The following HLCS variants were observed in gnomAD, a reference collection of about 807,000 sequenced individuals.
HLCS encodes holocarboxylase synthetase.
Under a neutral mutation model 75.0 loss-of-function variants are expected in HLCS, and 53 were observed. The observed-to-expected ratio is 0.71, with a 90% confidence interval of 0.57 to 0.89. The LOEUF (loss-of-function observed/expected upper bound fraction) is 0.89. Ranked by LOEUF, HLCS falls within the 40% of genes least tolerant of loss-of-function variation. The probability of loss-of-function intolerance (pLI) is 0.00; values close to 1 mark genes in which losing one functional copy is unlikely to be tolerated. For synonymous variants in HLCS, 431 were observed against 428.6 expected, an observed-to-expected ratio of 1.01 and a Z score of -0.07; for missense variants, 966 against 1,074.0, an observed-to-expected ratio of 0.90 and a Z score of 1.41.
At position 36,962,064 on chromosome 21, in the gene HLCS, T is replaced by C; in HGVS notation, c.302A>G (p.Asn101Ser). 1 of 1,289,542 alleles carries C rather than the reference T, an allele frequency of 7.8e-7. No individual in the cohort carries two copies. The highest frequency in any genetic ancestry group is 1.2e-5 in the South Asian group (1 of 81,012). 79.9% of individuals were successfully genotyped at this position (1,289,542 alleles called of 1,614,324 possible). Residue 101 changes from asparagine (N) to serine (S), a missense_variant, in exon 2 of 11, where the codon AAT becomes AGT. By Grantham distance (46) the Asn-to-Ser change is conservative (BLOSUM62 1). Coordinates refer to ENST00000674895, the MANE Select transcript of HLCS (RefSeq NM_001352514.2). ...VTESIWVQSE[N>S]LQRSSSSETI... is the part of the protein sequence containing the mutation. Reference sequence around the variant, plus strand: ...TTCTGAAGAGGATGATCTCTGTAAATTCTCACTTTGTACCCAAATGCTCTC... The same window carrying C: ...TTCTGAAGAGGATGATCTCTGTAAACTCTCACTTTGTACCCAAATGCTCTC...
chr21:36,814,501 G>C (rs1007332728), intron 6 of HLCS, among the ~76,000 whole-genome samples: 3 of 152,160 alleles, frequency 2.0e-5, no homozygotes, highest in African/African-American at 7.2e-5. Context: ...AATGAACAGG[G>C]CATCCCGGAT....
In HLCS at chr21:36,748,994, G is replaced by A. The variant is rs532231346; in HGVS notation, c.*5252C>T. 1 of 152,764 alleles carries A rather than the reference G, an allele frequency of 6.5e-6. No homozygotes were observed. Among genetic ancestry groups the A allele is most frequent in the South Asian group, 2.1e-4 (1 of 4,830 alleles). 9.5% of individuals were successfully genotyped at this position (152,764 alleles called of 1,614,324 possible). Reference sequence around the variant, plus strand: ...TAAAGTTAAATTGCACGTGCAATACGGAACACTGTCAATGGACTGCACCTT... The same window carrying A: ...TAAAGTTAAATTGCACGTGCAATACAGAACACTGTCAATGGACTGCACCTT... On this transcript the variant is annotated 3_prime_UTR_variant, in exon 11 of 11. Coordinates refer to ENST00000674895, the MANE Select transcript of HLCS (RefSeq NM_001352514.2).
intron 6 of HLCS, among the ~76,000 whole-genome samples, chr21:36,824,986 T>C (rs1420015949): frequency 6.6e-6 from 1 of 152,236 alleles, no homozygotes; most frequent in Admixed American, 6.5e-5. Context: ...TCCTAAAACT[T>C]CTTTTTGAAA....
At chr21:36,895,960 T>C (rs189855712) in intron 6 of HLCS, among the ~76,000 whole-genome samples, 12 of 152,370 alleles carry the variant, frequency 7.9e-5, no homozygotes, top group Admixed American at 5.2e-4. Flanking sequence ...ATTTTTTTAA[T>C]CTTTAATCAG....
At position 36,961,957 on chromosome 21, in the gene HLCS, A is replaced by G. The variant is rs1239132895; in HGVS notation, c.330+79T>C. On this transcript the variant is annotated intron_variant, in intron 2 of 10. Coordinates refer to ENST00000674895, the MANE Select transcript of HLCS (RefSeq NM_001352514.2). Reference sequence around the variant, plus strand: ...TGACAGAGCAAGACTCTGTCTCAGGAAAAAAAAAAAAAAAGCAAATTTGGT... The same window carrying G: ...TGACAGAGCAAGACTCTGTCTCAGGGAAAAAAAAAAAAAAGCAAATTTGGT... 5.5e-5 allele frequency: 13 copies of G among 237,690 alleles called. No homozygotes were observed. The East Asian group carries it at 2.2e-3, about 41-fold the overall frequency. The allele number at this position is 237,690 out of a possible 1,614,324, so 14.7% of individuals were successfully genotyped here.
intron 2 of HLCS, among the ~76,000 whole-genome samples, chr21:36,958,352 G>A (rs1255952669): frequency 6.6e-6 from 1 of 152,158 alleles, no homozygotes; most frequent in Non-Finnish European, 1.5e-5. Flanking sequence ...CACAAGTACT[G>A]TTTGACTGGA....
At chr21:36,941,736 G>A (rs1017881650) in intron 2 of HLCS, among the ~76,000 whole-genome samples, 3 of 152,356 alleles carry the variant, frequency 2.0e-5, no homozygotes, top group East Asian at 1.9e-4. Flanking sequence ...TGGGCGCGGT[G>A]TCTCACGCCT....
chr21:36,911,748 C>CAA (rs11287408), intron 5 of HLCS, among the ~76,000 whole-genome samples: 57 of 47,814 alleles, frequency 1.2e-3, no homozygotes, highest in East Asian at 2.2e-3. Context: ...GACTCCGTCT[C>CAA]AAAAAAAAAA....
intron 6 of HLCS, among the ~76,000 whole-genome samples, chr21:36,786,656 G>A (rs1020501214): frequency 6.6e-5 from 10 of 152,022 alleles, no homozygotes; most frequent in African/African-American, 1.2e-4. Flanking sequence ...TCTTTGTTTC[G>A]GTTTTTCCTA....
chr21:36,792,205 C>T (rs917533137), intron 6 of HLCS, among the ~76,000 whole-genome samples: 5 of 152,048 alleles, frequency 3.3e-5, no homozygotes, highest in South Asian at 4.2e-4. Flanking sequence ...AATCACCCGG[C>T]GGCTACCCCG....
intron 10 of HLCS, among the ~76,000 whole-genome samples, chr21:36,754,789 G>A (rs1008611445): frequency 1.6e-4 from 25 of 152,120 alleles, no homozygotes. Context: ...AGGCCGAGTT[G>A]GCAAACAATG....
chr21:36,955,246 C>T (rs984384818), intron 2 of HLCS, among the ~76,000 whole-genome samples: 1 of 152,072 alleles, frequency 6.6e-6, no homozygotes, highest in Non-Finnish European at 1.5e-5. Context: ...CCCTGGGCAG[C>T]CTAGACTAAT....
intron 6 of HLCS, among the ~76,000 whole-genome samples, chr21:36,876,731 A>G (rs1471707557): frequency 6.6e-6 from 1 of 152,208 alleles, no homozygotes; most frequent in Non-Finnish European, 1.5e-5. Context: ...TTGGCAAGGT[A>G]TAGTGTTCTG....
At chr21:36,783,852 C>A (rs2060608899) in intron 6 of HLCS, among the ~76,000 whole-genome samples, 1 of 151,992 alleles carries the variant, frequency 6.6e-6, no homozygotes, top group Non-Finnish European at 1.5e-5. Flanking sequence ...CACAAATCCA[C>A]ACACACACAC....
intron 9 of HLCS, 87 bp from the exon 10 acceptor site, chr21:36,756,842 A>G: frequency 6.2e-7 from 1 of 1,605,184 alleles, no homozygotes; most frequent in Non-Finnish European, 8.5e-7. Flanking sequence ...TACAGTCTTG[A>G]CTGTCAACTT....
chr21:36,874,294 C>A (rs920590854), intron 6 of HLCS, among the ~76,000 whole-genome samples: 2 of 151,796 alleles, frequency 1.3e-5, no homozygotes, highest in African/African-American at 4.8e-5. Context: ...CTCAGCTACT[C>A]GGGAGGCTGA....
chr21:36,918,336 A>T (rs2066018180), intron 5 of HLCS, among the ~76,000 whole-genome samples: 1 of 152,216 alleles, frequency 6.6e-6, no homozygotes, highest in Non-Finnish European at 1.5e-5. Context: ...GATTCACACC[A>T]TTTCACTGGA....
At chr21:36,885,014 A>G (rs2064385516) in intron 6 of HLCS, among the ~76,000 whole-genome samples, 1 of 152,220 alleles carries the variant, frequency 6.6e-6, no homozygotes. Flanking sequence ...AGATTTCAAA[A>G]AAAGAGAAGG....
intron 6 of HLCS, among the ~76,000 whole-genome samples, chr21:36,886,053 C>T (rs894806717): frequency 2.0e-5 from 3 of 151,424 alleles, no homozygotes; most frequent in South Asian, 2.1e-4. Context: ...AGCTTTTCTA[C>T]CATGTTATCT....
Sources: allele counts gnomAD v4.1 joint callset (sites outside exome capture counted in the v4.1 genomes callset), GRCh38; gene constraint gnomAD v4.1.1; transcripts MANE v1.5; gene names NCBI Gene and HGNC (gene_info 2026-07-23, HGNC 2026-07-21).